Variants in FER observed in about 807,000 individuals in gnomAD.
FER encodes FER tyrosine kinase.
A neutral mutation model predicts 111.0 loss-of-function variants in FER; 63 were observed. The observed-to-expected ratio is 0.57, with a 90% confidence interval of 0.46 to 0.70. The LOEUF is 0.70. FER is among the 30% of genes least tolerant of loss of function. FER has a pLI of 0.00. For missense variants in FER, 914 were observed against 954.0 expected (o/e 0.96, Z 0.55); for synonymous variants, 327 against 313.9 (o/e 1.04, Z -0.44).
chr5:109,165,486 A>G (rs907821466), intron 17 of FER, among the ~76,000 whole-genome samples: 105 of 152,274 alleles, frequency 6.9e-4, no homozygotes, highest in African/African-American at 2.5e-3. Context: ...CCAGAGAGGA[A>G]GGAAAGGAGA....
chr5:108,917,112 T>G (rs561073880), intron 10 of FER, among the ~76,000 whole-genome samples: 3 of 152,280 alleles, frequency 2.0e-5, no homozygotes, highest in African/African-American at 7.2e-5. Flanking sequence ...GAGGCTTTCT[T>G]CTATTCCAGA....
intron 13 of FER, among the ~76,000 whole-genome samples, chr5:109,037,102 G>T (rs1770512089): frequency 6.6e-6 from 1 of 152,008 alleles, no homozygotes. Flanking sequence ...ACAGCTTTTT[G>T]AAATGACAAA....
chr5:108,992,925 C>T (rs149204959), intron 13 of FER, among the ~76,000 whole-genome samples: 1,655 of 151,112 alleles, frequency 0.011, 26 homozygotes, highest in African/African-American at 0.038. Context: ...AGACGCTTCC[C>T]ACATCTCCGA....
intron 6 of FER, among the ~76,000 whole-genome samples, chr5:108,870,315 G>C (rs1764480910): frequency 6.6e-6 from 1 of 151,986 alleles, no homozygotes; most frequent in South Asian, 2.1e-4. Context: ...AAATGTTAAT[G>C]ATCTCCACAT....
intron 7 of FER, 57 bp downstream of exon 7, chr5:108,871,559 C>A: frequency 7.7e-7 from 1 of 1,291,456 alleles, no homozygotes. Context: ...TTCATTCATA[C>A]AATAGTTAAC....
chr5:108,767,165 G>T (rs767344687), intron 1 of FER, among the ~76,000 whole-genome samples: 1 of 152,062 alleles, frequency 6.6e-6, no homozygotes, highest in Non-Finnish European at 1.5e-5. Context: ...TCAGCTGGGC[G>T]TGGTGGTGCA....
chr5:108,799,779 A>C (rs1756426094), intron 3 of FER, among the ~76,000 whole-genome samples: 1 of 151,548 alleles, frequency 6.6e-6, no homozygotes, highest in African/African-American at 2.4e-5. Flanking sequence ...GTTTTTGGTA[A>C]GCTACCTGGT....
At chr5:108,919,813 G>A (rs1366026503) in intron 10 of FER, among the ~76,000 whole-genome samples, 2 of 152,074 alleles carry the variant, frequency 1.3e-5, no homozygotes, top group African/African-American at 4.8e-5. Context: ...TGTAATCAGA[G>A]GGACTTTAGT....
intron 1 of FER, among the ~76,000 whole-genome samples, chr5:108,751,816 T>G (rs1017509710): frequency 6.6e-6 from 1 of 152,156 alleles, no homozygotes; most frequent in Non-Finnish European, 1.5e-5. Context: ...AAACTTCAAT[T>G]TATAGTAAAG....
rs567956574 is a variant in FER, at chr5:109,031,116, G to A, written c.1657-6306G>A. On this transcript the variant is annotated intron_variant, in intron 13 of 19. Coordinates refer to ENST00000281092, the MANE Select transcript of FER (RefSeq NM_005246.4). The stretch of plus-strand genomic sequence containing the variant: ...TCAATCCCCTTGAAGGTGGTACTGG[G>A]CTCATTTGGTCATTTTGAGGACTCT... 9.9e-5 allele frequency among the ~76,000 whole-genome samples: 15 copies of A among 152,158 alleles called. No individual in the cohort carries two copies. The South Asian group carries it at 3.1e-3, about 32-fold the overall frequency.
At chr5:109,011,679 T>G (rs751099083) in intron 13 of FER, among the ~76,000 whole-genome samples, 3 of 152,194 alleles carry the variant, frequency 2.0e-5, no homozygotes, top group Non-Finnish European at 4.4e-5. Flanking sequence ...TGAATATAAG[T>G]TTGCCTGCAT....
At chr5:109,048,410 C>T (rs892298501) in intron 16 of FER, among the ~76,000 whole-genome samples, 2 of 152,104 alleles carry the variant, frequency 1.3e-5, no homozygotes, top group African/African-American at 4.8e-5. Flanking sequence ...ACAAATGAAG[C>T]CCCTGAATAA....
At chr5:108,924,360 C>CAAAAAAAAAAAAAAAAAAAAA (rs59469649) in intron 10 of FER, among the ~76,000 whole-genome samples, 2 of 99,068 alleles carry the variant, frequency 2.0e-5, no homozygotes, top group African/African-American at 7.4e-5. Flanking sequence ...AACTCTGTCT[C>CAAAAAAAAAAAAAAAAAAAAA]AAAAAAAAAA....
Position 109,176,498 on chromosome 5 carries a change from G to A in FER, c.2049-4249G>A, listed in dbSNP as rs528075820. Among the ~76,000 whole-genome samples, 3 of 152,226 alleles carry A rather than the reference G, an allele frequency of 2.0e-5. No homozygotes were observed. The South Asian group carries it at 6.2e-4, about 32-fold the overall frequency. ...CTGGGAAGGGTAGAGAGGTGGGGAG[G>A]ATGGAAAGAGATTGGGTTTGTAGAT... is the stretch of plus-strand genomic sequence containing the variant. On this transcript the variant is annotated intron_variant, in intron 17 of 19. Coordinates refer to ENST00000281092, the MANE Select transcript of FER (RefSeq NM_005246.4).
intron 13 of FER, among the ~76,000 whole-genome samples, chr5:109,027,479 G>A (rs1768919378): frequency 6.6e-6 from 1 of 152,092 alleles, no homozygotes; most frequent in African/African-American, 2.4e-5. Flanking sequence ...TTCTTTTGGT[G>A]GGCATTCTTC....
At chr5:109,054,479 T>C (rs1054989748) in intron 16 of FER, among the ~76,000 whole-genome samples, 2 of 152,246 alleles carry the variant, frequency 1.3e-5, no homozygotes, top group Admixed American at 1.3e-4. Context: ...TTGGTTGTTT[T>C]CTTGTAATTA....
chr5:108,985,802 A>G (rs1293714664), intron 13 of FER, among the ~76,000 whole-genome samples: 1 of 152,186 alleles, frequency 6.6e-6, no homozygotes, highest in Non-Finnish European at 1.5e-5. Context: ...GTTATATGGT[A>G]TATATACACC....
chr5:108,888,889 C>G (rs570173276), intron 9 of FER, among the ~76,000 whole-genome samples: 251 of 151,922 alleles, frequency 1.7e-3, no homozygotes, highest in African/African-American at 5.8e-3. Context: ...CATACACCCC[C>G]TGCAAGTCTC....
intron 13 of FER, among the ~76,000 whole-genome samples, chr5:109,029,775 A>T (rs528289842): frequency 6.6e-6 from 1 of 152,130 alleles, no homozygotes; most frequent in South Asian, 2.1e-4. Flanking sequence ...TCCTTGTCGG[A>T]AGTTTGATTA....
Sources: allele counts gnomAD v4.1 joint callset (sites outside exome capture counted in the v4.1 genomes callset), GRCh38; gene constraint gnomAD v4.1.1; transcripts MANE v1.5; gene names NCBI Gene and HGNC (gene_info 2026-07-23, HGNC 2026-07-21).